The following CCSER1 variants were observed in gnomAD, a reference collection of about 807,000 sequenced individuals.
CCSER1 encodes serine-rich coiled-coil domain-containing protein 1.
CCSER1 carries 41 observed loss-of-function variants against 82.0 expected under a neutral mutation model. The observed-to-expected ratio is 0.50, with a 90% CI of 0.39 to 0.65. The LOEUF is 0.65. Ranked by LOEUF, CCSER1 falls within the 30% of genes least tolerant of loss-of-function variation. The pLI, the probability that CCSER1 is intolerant of heterozygous loss-of-function variation, is 0.00. For missense variants in CCSER1, 1,119 were observed against 1,064.2 expected, an observed-to-expected ratio of 1.05 and a Z score of -0.72; for synonymous variants, 414 against 383.9, an observed-to-expected ratio of 1.08 and a Z score of -0.92.
chr4:91,170,107 A>C (rs17018147), intron 10 of CCSER1, among the ~76,000 whole-genome samples: 3,852 of 152,294 alleles, frequency 0.025, 93 homozygotes, highest in East Asian at 0.1. Context: ...TGTCTTAAAA[A>C]TATAAAAGCT....
intron 5 of CCSER1, among the ~76,000 whole-genome samples, chr4:90,566,776 G>C (rs1003738032): frequency 1.8e-4 from 28 of 151,816 alleles, no homozygotes; most frequent in Admixed American, 1.8e-3. Flanking sequence ...CTAATTTTGT[G>C]TATTTTTAGT....
intron 10 of CCSER1, among the ~76,000 whole-genome samples, chr4:91,514,617 T>C (rs1355451099): frequency 9.6e-6 from 1 of 103,910 alleles, no homozygotes; most frequent in African/African-American, 3.3e-5. Flanking sequence ...GTTTTATGAA[T>C]CTGGGTTCAA....
At chr4:90,150,965 A>C (rs531812871) in intron 1 of CCSER1, among the ~76,000 whole-genome samples, 6 of 151,288 alleles carry the variant, frequency 4.0e-5, no homozygotes, top group African/African-American at 1.5e-4. Context: ...ATAGATTGTT[A>C]TTTTTTTTTC....
At chr4:90,520,555 G>A (rs1772956858) in intron 5 of CCSER1, among the ~76,000 whole-genome samples, 1 of 152,048 alleles carries the variant, frequency 6.6e-6, no homozygotes, top group African/African-American at 2.4e-5. Context: ...TCTTGCTTAT[G>A]GTGGAATTCA....
chr4:90,563,791 A>C (rs1166940772), intron 5 of CCSER1, among the ~76,000 whole-genome samples: 2 of 152,140 alleles, frequency 1.3e-5, no homozygotes, highest in Non-Finnish European at 2.9e-5. Flanking sequence ...TTTTCTTTGG[A>C]ATTATACCCA....
intron 10 of CCSER1, among the ~76,000 whole-genome samples, chr4:91,218,367 C>T (rs1560523847): frequency 6.6e-6 from 1 of 152,174 alleles, no homozygotes; most frequent in South Asian, 2.1e-4. Flanking sequence ...CACCTCCCTG[C>T]AAGCTGAGGG....
chr4:90,987,602 T>G (rs1219226904), intron 9 of CCSER1, among the ~76,000 whole-genome samples: 2 of 151,722 alleles, frequency 1.3e-5, no homozygotes, highest in East Asian at 3.9e-4. Flanking sequence ...CTAGATAATT[T>G]AGGAGGAAAA....
At chr4:91,087,466 C>G (rs1723501000) in intron 10 of CCSER1, among the ~76,000 whole-genome samples, 1 of 151,826 alleles carries the variant, frequency 6.6e-6, no homozygotes, top group South Asian at 2.1e-4. Context: ...TTCTAACGTC[C>G]TTTGATTTTA....
chr4:90,976,888 C>T (rs1184957120), intron 9 of CCSER1, among the ~76,000 whole-genome samples: 1 of 151,504 alleles, frequency 6.6e-6, no homozygotes, highest in East Asian at 1.9e-4. Context: ...AAACCGTTTG[C>T]CATTTCTTCT....
At chr4:90,766,564 A>T (rs1366782462) in intron 7 of CCSER1, among the ~76,000 whole-genome samples, 13 of 152,178 alleles carry the variant, frequency 8.5e-5, no homozygotes, top group Non-Finnish European at 2.9e-5. Context: ...GAATTGCCAG[A>T]GCCCAGAAGT....
rs1222115572 is a variant in CCSER1, at chr4:91,599,971, C to CT, written c.*920dup. 6.6e-6 allele frequency: 1 copy of CT among 151,898 alleles called. No individual in the cohort carries two copies. Among genetic ancestry groups the CT allele is most frequent in the East Asian group, 1.9e-4 (1 of 5,194 alleles). The allele number at this position is 151,898 out of a possible 1,614,324, so 9.4% of individuals were successfully genotyped here. A position where few individuals can be genotyped will look rare whatever the true frequency, so the allele number is the denominator to read the frequency against. ...TACTTTCCTTATTTTTTAAAATGTT[C>CT]TTTTTTATGTAAATCCAATTTTGGT... On this transcript the variant is annotated 3_prime_UTR_variant, in exon 11 of 11. Transcript: ENST00000509176.
intron 1 of CCSER1, among the ~76,000 whole-genome samples, chr4:90,140,291 T>C (rs941590215): frequency 6.6e-6 from 1 of 152,206 alleles, no homozygotes; most frequent in African/African-American, 2.4e-5. Flanking sequence ...ATTTTCGCAA[T>C]CATCTGAATC....
At chr4:91,302,257 G>C (rs1396433749) in intron 10 of CCSER1, among the ~76,000 whole-genome samples, 1 of 151,924 alleles carries the variant, frequency 6.6e-6, no homozygotes, top group African/African-American at 2.4e-5. Context: ...TGCATGGTTT[G>C]CCTTGGTAAA....
At chr4:90,375,732 C>T (rs1300976955) in intron 3 of CCSER1, among the ~76,000 whole-genome samples, 1 of 152,136 alleles carries the variant, frequency 6.6e-6, no homozygotes. Flanking sequence ...CATTGCCAAA[C>T]CTCTGGATGT....
At chr4:91,432,329 C>T (rs1754377624) in intron 10 of CCSER1, among the ~76,000 whole-genome samples, 1 of 152,070 alleles carries the variant, frequency 6.6e-6, no homozygotes, top group African/African-American at 2.4e-5. Flanking sequence ...TATTTATAGA[C>T]ATCTGTGAAT....
In CCSER1 at chr4:91,393,826, C is replaced by T. The variant is rs538745974; in HGVS notation, c.2218-204746C>T. ...CTTTCGTGTTAGTCATTCCTGTGAA[C>T]ACCTGTGCACTGTTGAATTTAATTG... On this transcript the variant is annotated intron_variant, in intron 10 of 10. Transcript: ENST00000509176. 4.6e-5 allele frequency among the ~76,000 whole-genome samples: 7 copies of T among 152,194 alleles called. No homozygotes were observed. In the East Asian group the frequency reaches 9.7e-4, roughly 21 times the overall value.
intron 5 of CCSER1, among the ~76,000 whole-genome samples, chr4:90,592,466 T>C (rs1300654160): frequency 6.6e-6 from 1 of 152,154 alleles, no homozygotes; most frequent in Non-Finnish European, 1.5e-5. Flanking sequence ...TGTGTGAGGA[T>C]TGGATAAGCA....
intron 6 of CCSER1, among the ~76,000 whole-genome samples, chr4:90,705,319 A>T (rs928974816): frequency 6.6e-6 from 1 of 152,114 alleles, no homozygotes; most frequent in Non-Finnish European, 1.5e-5. Flanking sequence ...TTGCTGTCTG[A>T]TTGTTCCTGT....
At chr4:91,550,872 T>C (rs1032350651) in intron 10 of CCSER1, among the ~76,000 whole-genome samples, 1 of 152,176 alleles carries the variant, frequency 6.6e-6, no homozygotes, top group Non-Finnish European at 1.5e-5. Flanking sequence ...TGATTTTACA[T>C]AGAAGTGTCC....
Sources: allele counts gnomAD v4.1 joint callset (sites outside exome capture counted in the v4.1 genomes callset), GRCh38; gene constraint gnomAD v4.1.1; transcripts MANE v1.5; gene names NCBI Gene and HGNC (gene_info 2026-07-23, HGNC 2026-07-21).